Variants in SMIM35 observed in about 807,000 individuals in gnomAD.
SMIM35 encodes the protein small integral membrane protein 35, also known as TMPRSS4 antisense RNA 1 (non-protein coding).
At chr11:118,074,617 C>T (rs1455313371) in intron 1 of SMIM35, among the ~76,000 whole-genome samples, 1 of 152,070 alleles carries the variant, frequency 6.6e-6, no homozygotes, top group Non-Finnish European at 1.5e-5. Flanking sequence ...CATAGTGGCT[C>T]ACACCTGTAA....
At chr11:118,007,878 T>C (rs1314434164) in intron 4 of SMIM35, among the ~76,000 whole-genome samples, 1 of 151,858 alleles carries the variant, frequency 6.6e-6, no homozygotes, top group Admixed American at 6.6e-5. Flanking sequence ...TGCTTTCTTT[T>C]TTTTTTTTTC....
rs1272599753 is a variant in SMIM35 at position 118,057,084 on chromosome 11, G to C, written c.7+29667C>G. ...GGCGAGAGCAGCCGGAAGCCTCAAGGGAAAGCGGTGCATTGGAAGAAGGGA... is the reference window on the plus strand; with the variant it reads ...GGCGAGAGCAGCCGGAAGCCTCAAGCGAAAGCGGTGCATTGGAAGAAGGGA... On this transcript the variant is annotated intron_variant, in intron 1 of 4. Coordinates refer to ENST00000689828, the MANE Select transcript of SMIM35 (RefSeq NM_001394165.1). Among the ~76,000 whole-genome samples, 4 of 152,358 alleles carry C rather than the reference G, an allele frequency of 2.6e-5. No homozygotes were observed. The South Asian group carries it at 8.3e-4, about 32-fold the overall frequency.
intron 1 of SMIM35, among the ~76,000 whole-genome samples, chr11:118,046,046 A>G (rs191826641): frequency 1.3e-5 from 2 of 152,328 alleles, no homozygotes; most frequent in Admixed American, 6.5e-5. Context: ...TAGATATTCA[A>G]TAAGTTATTT....
intron 1 of SMIM35, chr11:118,077,002 A>G: frequency 2.5e-6 from 1 of 401,460 alleles, no homozygotes; most frequent in Non-Finnish European, 4.5e-6. Flanking sequence ...GTCAGGTTAC[A>G]AGACACATAA....
intron 1 of SMIM35, among the ~76,000 whole-genome samples, chr11:118,074,257 C>T (rs941298389): frequency 6.6e-6 from 1 of 151,442 alleles, no homozygotes; most frequent in African/African-American, 2.4e-5. Flanking sequence ...GATCTTGACA[C>T]ACATGCTGGA....
At chr11:118,016,809 G>T (rs2058186838) in intron 1 of SMIM35, among the ~76,000 whole-genome samples, 1 of 152,184 alleles carries the variant, frequency 6.6e-6, no homozygotes, top group Non-Finnish European at 1.5e-5. Flanking sequence ...GAGCACTTAG[G>T]AGAGGATCTG....
intron 1 of SMIM35, among the ~76,000 whole-genome samples, chr11:118,058,423 C>A (rs1416392773): frequency 6.6e-6 from 1 of 152,106 alleles, no homozygotes; most frequent in African/African-American, 2.4e-5. Context: ...GCGGGAGGGG[C>A]GCAGGCCTGG....
intron 1 of SMIM35, among the ~76,000 whole-genome samples, chr11:118,073,547 C>T (rs1176425808): frequency 6.6e-6 from 1 of 152,068 alleles, no homozygotes; most frequent in Non-Finnish European, 1.5e-5. Context: ...TTGTGAATGC[C>T]GAAAAGAGAC....
In SMIM35 at chr11:118,049,976, G is replaced by A. The variant is rs183443963; in HGVS notation, c.8-34167C>T. ...CCTCATGCTGAAGTGGAGTCACTGG[G>A]GCCTAGAAGGTACCAAGGGGCCCAG... On this transcript the variant is annotated intron_variant, in intron 1 of 4. Transcript: ENST00000689828. Among the ~76,000 whole-genome samples the A allele has an allele frequency of 8.5e-5, 13 of 152,188 alleles. No homozygotes were observed. The East Asian group carries it at 2.3e-3, about 27-fold the overall frequency.
intron 1 of SMIM35, among the ~76,000 whole-genome samples, chr11:118,034,037 G>C (rs182162829): frequency 6.6e-6 from 1 of 152,292 alleles, no homozygotes; most frequent in Non-Finnish European, 1.5e-5. Flanking sequence ...GGAGGCCGAG[G>C]CGGGCAGATG....
At chr11:118,044,207 T>C (rs1944053764) in intron 1 of SMIM35, among the ~76,000 whole-genome samples, 2 of 150,908 alleles carry the variant, frequency 1.3e-5, no homozygotes, top group South Asian at 2.1e-4. Flanking sequence ...AAAGCAGAGG[T>C]ATCAAGATCC....
At chr11:118,025,163 C>T (rs935544355) in intron 1 of SMIM35, among the ~76,000 whole-genome samples, 14 of 152,298 alleles carry the variant, frequency 9.2e-5, no homozygotes, top group Non-Finnish European at 1.9e-4. Flanking sequence ...TTCATCCACT[C>T]CACTGTTGAT....
chr11:118,045,329 T>C (rs866445124), intron 1 of SMIM35, among the ~76,000 whole-genome samples: 2 of 36,348 alleles, frequency 5.5e-5, no homozygotes, highest in Non-Finnish European at 1.4e-4. Flanking sequence ...TATACACACA[T>C]GCACACACAC....
At chr11:118,049,100 G>A (rs927819826) in intron 1 of SMIM35, among the ~76,000 whole-genome samples, 17 of 152,072 alleles carry the variant, frequency 1.1e-4, no homozygotes, top group African/African-American at 3.1e-4. Flanking sequence ...TAGCAGCAAC[G>A]TCAGGGGTGG....
intron 1 of SMIM35, among the ~76,000 whole-genome samples, chr11:118,031,345 G>A (rs2058317975): frequency 6.6e-6 from 1 of 152,178 alleles, no homozygotes; most frequent in African/African-American, 2.4e-5. Flanking sequence ...CCACTCAAAG[G>A]AACCAGGGTC....
intron 1 of SMIM35, among the ~76,000 whole-genome samples, chr11:118,074,627 A>G (rs892740174): frequency 6.6e-6 from 1 of 152,012 alleles, no homozygotes; most frequent in Non-Finnish European, 1.5e-5. Context: ...CACACCTGTA[A>G]TCCCAGCTAC....
intron 1 of SMIM35, among the ~76,000 whole-genome samples, chr11:118,035,969 C>T: frequency 6.6e-6 from 1 of 152,216 alleles, no homozygotes; most frequent in East Asian, 1.9e-4. Context: ...CTCACTACAA[C>T]CTTCGCCTCC....
intron 1 of SMIM35, among the ~76,000 whole-genome samples, chr11:118,075,319 C>A (rs1333470805): frequency 6.6e-6 from 1 of 152,234 alleles, no homozygotes; most frequent in East Asian, 1.9e-4. Flanking sequence ...GCCCTGCAGG[C>A]CAGCTTCAGA....
intron 1 of SMIM35, among the ~76,000 whole-genome samples, chr11:118,043,868 G>T (rs1944046891): frequency 6.7e-6 from 1 of 150,198 alleles, no homozygotes; most frequent in South Asian, 2.1e-4. Flanking sequence ...GGGGAGAAAA[G>T]GAGGGGGTTA....
Sources: allele counts gnomAD v4.1 joint callset (sites outside exome capture counted in the v4.1 genomes callset), GRCh38; gene constraint gnomAD v4.1.1; transcripts MANE v1.5; gene names NCBI Gene and HGNC (gene_info 2026-07-23, HGNC 2026-07-21).